Variants in IPCEF1 observed in about 807,000 individuals in gnomAD.
IPCEF1 encodes the protein interaction protein for cytohesin exchange factors 1, also known as interactor protein for cytohesin exchange factors 1.
IPCEF1 carries 31 observed loss-of-function variants against 50.9 expected under a neutral mutation model. The observed-to-expected ratio is 0.61, with a 90% confidence interval of 0.46 to 0.82. The LOEUF (loss-of-function observed/expected upper bound fraction) is 0.82, where lower values mean the gene tolerates loss of function less well. Ranked by LOEUF, IPCEF1 falls within the 40% of genes least tolerant of loss-of-function variation. The pLI, the probability that IPCEF1 is intolerant of heterozygous loss-of-function variation, is 0.00. For synonymous variants in IPCEF1, 181 were observed against 192.0 expected (o/e 0.94, Z 0.47); for missense variants, 458 against 514.0 (o/e 0.89, Z 1.05).
intron 2 of IPCEF1, among the ~76,000 whole-genome samples, chr6:154,275,662 G>A (rs1782037233): frequency 6.6e-6 from 1 of 152,196 alleles, no homozygotes; most frequent in Non-Finnish European, 1.5e-5. Context: ...GAGGCAGCCA[G>A]TCACTTTATT....
intron 5 of IPCEF1, among the ~76,000 whole-genome samples, chr6:154,238,688 C>T (rs1280996537): frequency 6.6e-6 from 1 of 151,928 alleles, no homozygotes; most frequent in East Asian, 1.9e-4. Context: ...TACTGTATAA[C>T]CTTTTTTATA....
intron 1 of IPCEF1, among the ~76,000 whole-genome samples, chr6:154,341,328 T>A (rs1355917385): frequency 6.6e-6 from 1 of 152,064 alleles, no homozygotes; most frequent in Non-Finnish European, 1.5e-5. Flanking sequence ...TAAGAGTCCA[T>A]AGTTAAAAGA....
intron 2 of IPCEF1, among the ~76,000 whole-genome samples, chr6:154,271,233 A>G (rs1781895479): frequency 6.6e-6 from 1 of 151,792 alleles, no homozygotes; most frequent in Non-Finnish European, 1.5e-5. Context: ...TCAGCCCTGT[A>G]TGATGGCAGG....
chr6:154,168,046 T>TA lies in IPCEF1; in HGVS notation c.977dup (p.Ser327IlefsTer11). 6.2e-7 allele frequency: 1 copy of TA among 1,609,912 alleles called. No individual in the cohort carries two copies. Among genetic ancestry groups the TA allele is most frequent in the Non-Finnish European group, 8.5e-7 (1 of 1,176,798 alleles). On this transcript the variant is annotated frameshift_variant, in exon 11 of 12. Transcript: ENST00000367220. LOFTEE classifies it high-confidence loss of function. This position sits in a 1 kb window ranked among gnomAD's most constrained non-coding sequence, Gnocchi z 4.1. ...AAGGTCGTCGGTCCCCAAGAGGAGA[T>TA]AGACTAGCTTGCTCTAATGATTTGT...
At chr6:154,304,654 A>G (rs1782885188) in intron 1 of IPCEF1, among the ~76,000 whole-genome samples, 1 of 152,216 alleles carries the variant, frequency 6.6e-6, no homozygotes, top group African/African-American at 2.4e-5. Flanking sequence ...CAAGAGGCCA[A>G]TATGACCAAA....
Position 154,254,870 on chromosome 6 carries a change from G to A in IPCEF1, c.37-7382C>T, listed in dbSNP as rs569179478. 4.0e-5 allele frequency among the ~76,000 whole-genome samples: 6 copies of A among 151,378 alleles called. No individual in the cohort carries two copies. The South Asian group carries it at 1.0e-3, about 26-fold the overall frequency. ...ACATTTAACAACATTTTTATTTTGC[G>A]GTTTTGGTTTCATTCACTTCATTTA... On this transcript the variant is annotated intron_variant, in intron 3 of 11. Coordinates refer to ENST00000367220, the MANE Select transcript of IPCEF1 (RefSeq NM_001130700.2).
At chr6:154,195,110 C>T (rs567259478) in intron 10 of IPCEF1, among the ~76,000 whole-genome samples, 1 of 151,932 alleles carries the variant, frequency 6.6e-6, no homozygotes, top group Admixed American at 6.6e-5. Flanking sequence ...TCTCTTCTTC[C>T]CTGCACTCTA....
At chr6:154,224,865 C>G (rs1381734372) in intron 5 of IPCEF1, among the ~76,000 whole-genome samples, 1 of 152,100 alleles carries the variant, frequency 6.6e-6, no homozygotes, top group African/African-American at 2.4e-5. Context: ...CTCTTGACAG[C>G]CTTCTTAATT....
intron 2 of IPCEF1, among the ~76,000 whole-genome samples, chr6:154,269,027 T>C (rs1452254134): frequency 6.6e-6 from 1 of 152,186 alleles, no homozygotes; most frequent in Non-Finnish European, 1.5e-5. Flanking sequence ...CATCTGACTC[T>C]CCATTATAAT....
intron 5 of IPCEF1, among the ~76,000 whole-genome samples, chr6:154,240,784 C>G (rs1184878029): frequency 6.6e-6 from 1 of 152,184 alleles, no homozygotes; most frequent in Non-Finnish European, 1.5e-5. Flanking sequence ...ACTTCAATCC[C>G]CAAACATGCA....
intron 5 of IPCEF1, among the ~76,000 whole-genome samples, chr6:154,239,346 AT>A (rs1780391792): frequency 6.6e-6 from 1 of 152,274 alleles, no homozygotes; most frequent in South Asian, 2.1e-4. Context: ...AAGGAAAATA[AT>A]TGTTAGAACA....
intron 5 of IPCEF1, among the ~76,000 whole-genome samples, chr6:154,225,963 C>T (rs996682018): frequency 5.3e-5 from 8 of 152,316 alleles, no homozygotes; most frequent in Admixed American, 6.5e-5. Context: ...CTCTAAGTGA[C>T]GCTGTAGCTG....
chr6:154,208,263 C>A (rs945738950), intron 9 of IPCEF1, among the ~76,000 whole-genome samples: 1 of 152,186 alleles, frequency 6.6e-6, no homozygotes, highest in Non-Finnish European at 1.5e-5. Flanking sequence ...GGGCTCCTTG[C>A]AGTACCACAC....
chr6:154,160,076 TG>T (rs759548365), intron 11 of IPCEF1, 36 bp from the exon 12 acceptor site: 1 of 1,482,662 alleles, frequency 6.7e-7, no homozygotes, highest in South Asian at 1.2e-5. Flanking sequence ...GGGGGTATGT[TG>T]AGAGTGTCTT....
intron 1 of IPCEF1, among the ~76,000 whole-genome samples, chr6:154,311,145 T>G (rs886619083): frequency 2.6e-5 from 4 of 152,156 alleles, no homozygotes; most frequent in Non-Finnish European, 5.9e-5. Context: ...TATTTGTCAA[T>G]TAAAAATAAA....
At position 154,155,141 on chromosome 6, in the gene IPCEF1, C is replaced by T. The variant is rs944543438; in HGVS notation, c.*4687G>A. ...AAGGGAATTGCTTCCTGCCCCACGA[C>T]ACAGAGAAACGTGTGTCTGCTCAAT... is the stretch of plus-strand genomic sequence containing the variant. On this transcript the variant is annotated 3_prime_UTR_variant, in exon 12 of 12. Coordinates refer to ENST00000367220, the MANE Select transcript of IPCEF1 (RefSeq NM_001130700.2). 1.3e-5 allele frequency: 2 copies of T among 152,206 alleles called. No individual in the cohort carries two copies. Among genetic ancestry groups the T allele is most frequent in the African/African-American group, 4.8e-5 (2 of 41,440 alleles). The allele number at this position is 152,206 out of a possible 1,614,324, so 9.4% of individuals were successfully genotyped here. A position where few individuals can be genotyped will look rare whatever the true frequency, so the allele number is the denominator to read the frequency against.
chr6:154,187,211 G>A (rs758936759), intron 10 of IPCEF1, among the ~76,000 whole-genome samples: 1 of 151,558 alleles, frequency 6.6e-6, no homozygotes, highest in Non-Finnish European at 1.5e-5. Flanking sequence ...GATTTTCCAG[G>A]ACTACCAATG....
At chr6:154,185,531 T>C (rs1415048871) in intron 10 of IPCEF1, among the ~76,000 whole-genome samples, 2 of 152,224 alleles carry the variant, frequency 1.3e-5, no homozygotes, top group African/African-American at 4.8e-5. Context: ...ATACATGCTA[T>C]GTAAATAAAT....
intron 9 of IPCEF1, among the ~76,000 whole-genome samples, chr6:154,209,104 A>G (rs1777746388): frequency 6.6e-6 from 1 of 152,228 alleles, no homozygotes; most frequent in Admixed American, 6.5e-5. Context: ...TTCATTGTTT[A>G]TCTTGACTCT....
Sources: gnomAD v4.1 joint callset for allele counts (sites outside exome capture counted in the v4.1 genomes callset) on GRCh38, gnomAD v4.1.1 for gene constraint, Gnocchi (gnomAD v3.1) non-coding constraint, MANE v1.5 for transcripts, NCBI Gene and HGNC (gene_info 2026-07-23, HGNC 2026-07-21) for gene names.